The following TRRAP variants were observed in gnomAD, a reference collection of about 807,000 sequenced individuals.
TRRAP encodes the protein transformation/transcription domain associated protein.
Under a neutral mutation model 438.8 loss-of-function variants are expected in TRRAP, and 41 were observed. The observed-to-expected ratio is 0.09, with a 90% CI of 0.07 to 0.12. The LOEUF (loss-of-function observed/expected upper bound fraction) is 0.12. Ranked by LOEUF, TRRAP falls within the 10% of genes least tolerant of loss-of-function variation. The pLI, the probability that TRRAP is intolerant of heterozygous loss-of-function variation, is 1.00. For missense variants in TRRAP, 3,122 were observed against 5,055.1 expected, an observed-to-expected ratio of 0.62 and a Z score of 11.60; for synonymous variants, 1,994 against 1,962.9, an observed-to-expected ratio of 1.02 and a Z score of -0.42.
At chr7:98,927,545 A>G (rs1554411804) in intron 23 of TRRAP, among the ~76,000 whole-genome samples, 179 bp downstream of exon 23, 2 of 152,198 alleles carry the variant, frequency 1.3e-5, no homozygotes, top group East Asian at 3.8e-4. Context: ...AGTGGTGGGC[A>G]CTATATCAGC....
At chr7:98,929,903 G>A (rs1790242691) in intron 23 of TRRAP, 86 bp from the exon 24 acceptor site, 1 of 1,451,948 alleles carries the variant, frequency 6.9e-7, no homozygotes, top group African/African-American at 1.4e-5. Context: ...TTTTTATGGA[G>A]TTTCTAACTT....
At chr7:98,950,284 T>C in intron 38 of TRRAP, 22 bp downstream of exon 38, 2 of 1,613,618 alleles carry the variant, frequency 1.2e-6, no homozygotes, top group African/African-American at 1.3e-5. Flanking sequence ...TCTTATGCTG[T>C]AGAAGGGTAT....
chr7:98,977,249 C>G (rs1261817781), intron 56 of TRRAP, among the ~76,000 whole-genome samples, 173 bp downstream of exon 56: 1 of 152,164 alleles, frequency 6.6e-6, no homozygotes, highest in African/African-American at 2.4e-5. Context: ...GCAACCTCCA[C>G]CTCCCAGGTT....
chr7:98,971,651 G>C, intron 52 of TRRAP, 148 bp from the exon 53 acceptor site: 1 of 960,232 alleles, frequency 1.0e-6, no homozygotes, highest in Non-Finnish European at 1.5e-6. Context: ...TTTATTTTAG[G>C]ATTGAAGATT....
At chr7:98,904,032 A>AC (rs1796597526) in intron 12 of TRRAP, among the ~76,000 whole-genome samples, 1 of 151,832 alleles carries the variant, frequency 6.6e-6, no homozygotes, top group African/African-American at 2.4e-5. Flanking sequence ...CTGGTCTCGA[A>AC]CTCCTGACCT....
At chr7:98,884,387 A>G (rs1795596097) in intron 3 of TRRAP, among the ~76,000 whole-genome samples, 1 of 152,018 alleles carries the variant, frequency 6.6e-6, no homozygotes, top group Non-Finnish European at 1.5e-5. Flanking sequence ...GGTGTGCACC[A>G]CCATGCCCCA....
In TRRAP at chr7:98,948,070, C is replaced by A; in HGVS notation, c.4549-151C>A. 9.1e-7 allele frequency: 1 copy of A among 1,095,334 alleles called. No homozygotes were observed. The highest frequency in any genetic ancestry group is 1.3e-6 in the Non-Finnish European group (1 of 760,546). 67.9% of individuals were successfully genotyped at this position (1,095,334 alleles called of 1,614,324 possible). A position where few individuals can be genotyped will look rare whatever the true frequency, so the allele number is the denominator to read the frequency against. ...GACACAGCACAGTTAGAACCTAAGG[C>A]TAGTAAGTTGTGGCTTTTACATGTG... On this transcript the variant is annotated intron_variant, in intron 33 of 72. Coordinates refer to ENST00000456197, the MANE Select transcript of TRRAP (RefSeq NM_001375524.1). The surrounding 1 kb of genome is among the most constrained non-coding windows in gnomAD (Gnocchi z 4.9).
rs1794440083 is a variant in TRRAP, at chr7:99,011,806, C to T, written c.11338-265C>T. On this transcript the variant is annotated intron_variant, in intron 72 of 72. Transcript: ENST00000456197. This position sits in a 1 kb window ranked among gnomAD's most constrained non-coding sequence, Gnocchi z 7.1. ...ACAAATAAACAGATTGGGCCTCAGT[C>T]GCAGCATGGCTGCCTTTGTCATCTA... 6.6e-6 allele frequency among the ~76,000 whole-genome samples: 1 copy of T among 152,252 alleles called. No homozygotes were observed. The highest frequency in any genetic ancestry group is 1.5e-5 in the Non-Finnish European group (1 of 68,050).
At position 98,954,949 on chromosome 7, in the gene TRRAP, G is replaced by A. The variant is rs116948764; in HGVS notation, c.5731-149G>A. On this transcript the variant is annotated intron_variant, in intron 40 of 72. Transcript: ENST00000456197. ...TTCATTGGTCAAAACTTAACAGAAA[G>A]CAACTAAGTTGTTTCCTAATAAGAA... is the stretch of plus-strand genomic sequence containing the variant. 6,959 of 734,032 alleles carry A rather than the reference G, an allele frequency of 9.5e-3. 50 individuals carry two copies. Among genetic ancestry groups the A allele is most frequent in the South Asian group, 0.017 (867 of 51,854 alleles). The allele number at this position is 734,032 out of a possible 1,614,324, so 45.5% of individuals were successfully genotyped here.
rs61132070 is a variant in TRRAP at position 98,997,483 on chromosome 7, C to CAAAAAAAAAAAAAAAAAAAAAAAAAAA, written c.10309+2638_10309+2664dup. 7.0e-5 allele frequency among the ~76,000 whole-genome samples: 3 copies of CAAAAAAAAAAAAAAAAAAAAAAAAAAA among 42,622 alleles called. 1 individual carries two copies. The highest frequency in any genetic ancestry group is 1.7e-4 in the African/African-American group (2 of 11,728). The allele number at this position is 42,622 out of a possible 152,430, so 28.0% of individuals were successfully genotyped here. A position where few individuals can be genotyped will look rare whatever the true frequency, so the allele number is the denominator to read the frequency against. On this transcript the variant is annotated intron_variant, in intron 67 of 72. Transcript: ENST00000456197. ...ATTATCACCCAAAACACTGCTGTTGCAAAAAAAAAAAAAAAAAAAAAAAAA... is the reference window on the plus strand; with the variant it reads ...ATTATCACCCAAAACACTGCTGTTGCAAAAAAAAAAAAAAAAAAAAAAAAAAAAAAAAAAAAAAAAAAAAAAAAAAAA...
chr7:98,955,007 A>G (rs1400752852), intron 40 of TRRAP, 91 bp from the exon 41 acceptor site: 159 of 1,368,072 alleles, frequency 1.2e-4, no homozygotes, highest in Non-Finnish European at 1.5e-4. Context: ...ATTGTTTTGG[A>G]AAAGTAGCAT....
In TRRAP at chr7:98,906,195, A is replaced by T. The variant is rs1796719542; in HGVS notation, c.1055A>T (p.Asp352Val). 8 of 1,613,876 alleles carry T rather than the reference A, an allele frequency of 5.0e-6. No homozygotes were observed. Among genetic ancestry groups the T allele is most frequent in the Non-Finnish European group, 5.9e-6 (7 of 1,179,856 alleles). Residue 352 changes from aspartate (D) to valine (V), a missense_variant, in exon 13 of 73, where the codon GAC (aspartate) becomes GTC (valine). Coordinates refer to ENST00000456197, the MANE Select transcript of TRRAP (RefSeq NM_001375524.1). ...ELRNQFIPCM[D>V]KLFDESILIG... Reference sequence around the variant, plus strand: ...CTTCTAGAGTTCATTCCTTGCATGGACAAGCTGTTTGATGAATCCATACTA... The same window carrying T: ...CTTCTAGAGTTCATTCCTTGCATGGTCAAGCTGTTTGATGAATCCATACTA...
At chr7:98,917,145 T>G (rs1305720486) in intron 19 of TRRAP, among the ~76,000 whole-genome samples, 1 of 152,194 alleles carries the variant, frequency 6.6e-6, no homozygotes, top group Non-Finnish European at 1.5e-5. Flanking sequence ...TACAACATAA[T>G]TAAAAAATAA....
intron 19 of TRRAP, 72 bp from the exon 20 acceptor site, chr7:98,917,350 CT>C (rs1486595616): frequency 7.7e-6 from 12 of 1,563,914 alleles, no homozygotes; most frequent in Non-Finnish European, 1.0e-5. Flanking sequence ...AGGGGCAGTT[CT>C]TTTGTGTGTT....
intron 28 of TRRAP, among the ~76,000 whole-genome samples, chr7:98,936,611 G>A (rs1448732132): frequency 6.6e-6 from 1 of 152,158 alleles, no homozygotes; most frequent in Non-Finnish European, 1.5e-5. Context: ...TCTGTCCCCT[G>A]CATTGCCTGT....
In TRRAP at chr7:98,994,970, C is replaced by T. The variant is rs1274852636; in HGVS notation, c.10309+122C>T. On this transcript the variant is annotated intron_variant, in intron 67 of 72. Transcript: ENST00000456197. The surrounding 1 kb of genome is among the most constrained non-coding windows in gnomAD (Gnocchi z 4.8). ...ATCACTGCACGGGGCACACTGGTTA[C>T]ACTCTGTTTACAGTGCAGACTTCAG... 6.5e-6 allele frequency: 9 copies of T among 1,386,512 alleles called. No individual in the cohort carries two copies. Among genetic ancestry groups the T allele is most frequent in the Non-Finnish European group, 8.8e-6 (9 of 1,022,314 alleles). The allele number at this position is 1,386,512 out of a possible 1,614,324, so 85.9% of individuals were successfully genotyped here. A position where few individuals can be genotyped will look rare whatever the true frequency, so the allele number is the denominator to read the frequency against.
At position 98,956,442 on chromosome 7, in the gene TRRAP, A is replaced by G. The variant is rs79068043; in HGVS notation, c.6140A>G (p.Asn2047Ser). The G allele has an allele frequency of 9.7e-5, 156 of 1,614,214 alleles. No homozygotes were observed. The African/African-American group carries it at 1.7e-3, about 18-fold the overall frequency. The change falls in exon 43 of 73, where the codon AAT (asparagine) becomes AGT (serine). Residue 2047 changes from asparagine (N) to serine (S), a missense_variant. Around this residue, in one of 24 missense-constraint regions of TRRAP, gnomAD observed 992 missense variants for 1,281.2 expected, o/e 0.77. Coordinates refer to ENST00000456197, the MANE Select transcript of TRRAP (RefSeq NM_001375524.1). This position sits in a 1 kb window ranked among gnomAD's most constrained non-coding sequence, Gnocchi z 4.5. ...CCAAATTCCAGTGGAGAAGGAGTCAATTCTGTCTCATCCTCCATTAAGAGA... is the reference window on the plus strand; with the variant it reads ...CCAAATTCCAGTGGAGAAGGAGTCAGTTCTGTCTCATCCTCCATTAAGAGA... ...MDPNSSGEGV[N>S]SVSSSIKRGL...
At chr7:98,982,050 A>G (rs760211522) in intron 59 of TRRAP, 90 bp downstream of exon 59, 3 of 1,303,626 alleles carry the variant, frequency 2.3e-6, no homozygotes, top group Non-Finnish European at 3.0e-6. Flanking sequence ...ACTGCTCCGG[A>G]CAGCAGAGAT....
At chr7:98,911,383 T>A in intron 17 of TRRAP, 112 bp downstream of exon 17, 1 of 1,069,160 alleles carries the variant, frequency 9.4e-7, no homozygotes. Context: ...AAGGATGTGC[T>A]TATAGCTCAA....
Sources: allele counts gnomAD v4.1 joint callset (sites outside exome capture counted in the v4.1 genomes callset), GRCh38; gene constraint gnomAD v4.1.1; regional missense constraint gnomAD v4.1.1; non-coding constraint Gnocchi (gnomAD v3.1); transcripts MANE v1.5; gene names NCBI Gene and HGNC (gene_info 2026-07-23, HGNC 2026-07-21).